The following CHD1L variants were observed in gnomAD, a reference collection of about 807,000 sequenced individuals.
The protein encoded by CHD1L is ATP-dependent chromatin remodeler CHD1L.
Under a neutral mutation model 115.9 loss-of-function variants are expected in CHD1L, and 118 were observed. The observed-to-expected ratio is 1.02, with a 90% CI of 0.88 to 1.19. CHD1L has a LOEUF of 1.19. CHD1L is among the 50% of genes most tolerant of loss of function. CHD1L has a pLI of 0.00. For missense variants in CHD1L, 1,179 were observed against 1,065.3 expected (o/e 1.11, Z -1.49); for synonymous variants, 411 against 387.1 (o/e 1.06, Z -0.72).
chr1:147,208,197 C>T, the CHD1L span, among the ~76,000 whole-genome samples: 629 of 152,220 alleles, frequency 4.1e-3, no homozygotes, highest in Admixed American at 7.7e-3. Flanking sequence ...GTATTTCATG[C>T]CCATGTATGA....
At chr1:147,177,739 C>T in the CHD1L span, among the ~76,000 whole-genome samples, 1 of 152,092 alleles carries the variant, frequency 6.6e-6, no homozygotes, top group African/African-American at 2.4e-5. Flanking sequence ...ATCAAGGCCA[C>T]CAAAAACAAG....
At chr1:147,210,616 C>G in the CHD1L span, 1 of 152,112 alleles carries the variant, frequency 6.6e-6, no homozygotes, top group South Asian at 2.1e-4. Context: ...TATATAACTT[C>G]TGCTGAGTAA....
the CHD1L span, among the ~76,000 whole-genome samples, chr1:147,214,444 C>G: frequency 8.0e-6 from 1 of 125,088 alleles, no homozygotes; most frequent in East Asian, 2.3e-4. Context: ...GAGCAAGACT[C>G]TGTCTGAAAA....
At chr1:147,228,499 A>T in the CHD1L span, among the ~76,000 whole-genome samples, 1 of 152,210 alleles carries the variant, frequency 6.6e-6, no homozygotes, top group African/African-American at 2.4e-5. Flanking sequence ...TAGCAGCATG[A>T]TTTATAATCC....
intron 1 of CHD1L, among the ~76,000 whole-genome samples, chr1:147,246,299 T>G (rs1553933834): frequency 6.6e-6 from 1 of 152,146 alleles, no homozygotes; most frequent in Non-Finnish European, 1.5e-5. Context: ...ACTCACCCAC[T>G]GAAGGATATC....
chr1:147,290,111 G>C (rs1035387897), intron 19 of CHD1L, among the ~76,000 whole-genome samples: 3 of 152,070 alleles, frequency 2.0e-5, no homozygotes, highest in Non-Finnish European at 4.4e-5. Context: ...TTTTGTTTTT[G>C]AGATGGAGTC....
chr1:147,178,562 G>GT, the CHD1L span: 1 of 1,610,040 alleles, frequency 6.2e-7, no homozygotes, highest in East Asian at 2.2e-5. Context: ...AAATTCATTA[G>GT]TGATAAAGAT....
the CHD1L span, chr1:147,174,689 A>G: frequency 6.6e-6 from 1 of 151,794 alleles, no homozygotes; most frequent in African/African-American, 2.4e-5. Flanking sequence ...AATTCTCCTT[A>G]GTCCCAAATT....
At chr1:147,231,808 A>T in the CHD1L span, among the ~76,000 whole-genome samples, 1 of 152,112 alleles carries the variant, frequency 6.6e-6, no homozygotes. Flanking sequence ...GGAGTGACCC[A>T]ATTTTCCAGG....
chr1:147,259,755 T>C lies in CHD1L; in HGVS notation c.495-82T>C, dbSNP rs587709164. On this transcript the variant is annotated intron_variant, in intron 5 of 22. Coordinates refer to ENST00000369258, the MANE Select transcript of CHD1L (RefSeq NM_004284.6). The stretch of plus-strand genomic sequence containing the variant: ...TACTGTTAAGTCTTTTTAATAACAG[T>C]CACAGTTTTGTAGTAAGACTTTTGA... 6.4e-5 allele frequency: 76 copies of C among 1,187,326 alleles called. 1 individual carries two copies. The African/African-American group carries it at 1.0e-3, about 16-fold the overall frequency. 73.5% of individuals were successfully genotyped at this position (1,187,326 alleles called of 1,614,324 possible).
At chr1:147,208,856 GT>G in the CHD1L span, 1 of 1,613,664 alleles carries the variant, frequency 6.2e-7, no homozygotes, top group Admixed American at 1.7e-5. Context: ...ACATACCTGT[GT>G]TTAGGCTTCA....
chr1:147,216,587 G>A, the CHD1L span, among the ~76,000 whole-genome samples: 1 of 152,104 alleles, frequency 6.6e-6, no homozygotes, highest in African/African-American at 2.4e-5. Context: ...AAAATATTCA[G>A]CATCGCTTAG....
chr1:147,205,678 T>C, the CHD1L span, among the ~76,000 whole-genome samples: 7 of 152,202 alleles, frequency 4.6e-5, no homozygotes, highest in Non-Finnish European at 8.8e-5. Context: ...GGATTCCCTA[T>C]TTAACAAATG....
At chr1:147,284,271 C>A in intron 15 of CHD1L, 80 bp from the exon 16 acceptor site, 7 of 1,193,788 alleles carry the variant, frequency 5.9e-6, no homozygotes, top group Non-Finnish European at 8.2e-6. Context: ...CTCCTGTCCA[C>A]TTTTGTTATT....
the CHD1L span, among the ~76,000 whole-genome samples, chr1:147,232,331 C>T: frequency 6.6e-6 from 1 of 152,194 alleles, no homozygotes; most frequent in Non-Finnish European, 1.5e-5. Context: ...AAAGCTGAGG[C>T]AGGGCTTGCA....
At chr1:147,290,003 A>G (rs1040364904) in intron 19 of CHD1L, among the ~76,000 whole-genome samples, 1 of 152,260 alleles carries the variant, frequency 6.6e-6, no homozygotes, top group Non-Finnish European at 1.5e-5. Context: ...CACAACCAGT[A>G]TTTTAGAATG....
chr1:147,265,114 A>G (rs1673365064), intron 7 of CHD1L, among the ~76,000 whole-genome samples: 1 of 151,386 alleles, frequency 6.6e-6, no homozygotes, highest in Non-Finnish European at 1.5e-5. Flanking sequence ...TATCCCTGTG[A>G]TATTATCCTG....
the CHD1L span, among the ~76,000 whole-genome samples, chr1:147,220,689 A>G: frequency 2.0e-5 from 3 of 152,186 alleles, no homozygotes; most frequent in Non-Finnish European, 4.4e-5. Flanking sequence ...TTTTTAACGC[A>G]TGTTGAGTTG....
chr1:147,237,854 C>T (rs587660014), upstream of CHD1L, among the ~76,000 whole-genome samples: 1 of 152,304 alleles, frequency 6.6e-6, no homozygotes, highest in South Asian at 2.1e-4. Context: ...AAGGAAAACA[C>T]TGTCCTTTCA....
Sources: gnomAD v4.1 joint callset for allele counts (sites outside exome capture counted in the v4.1 genomes callset) on GRCh38, gnomAD v4.1.1 for gene constraint, MANE v1.5 for transcripts, NCBI Gene and HGNC (gene_info 2026-07-23, HGNC 2026-07-21) for gene names.